The following DACH2 variants were observed in gnomAD, a reference collection of about 807,000 sequenced individuals.
DACH2 encodes dachshund family transcription factor 2.
In DACH2, 17 loss-of-function variants were observed where a neutral mutation model predicts 35.8. The observed-to-expected ratio is 0.48, with a 90% confidence interval of 0.33 to 0.71. The LOEUF (loss-of-function observed/expected upper bound fraction) is 0.71. Ranked by LOEUF, DACH2 falls within the 30% of genes least tolerant of loss-of-function variation. DACH2 has a pLI of 0.02. For synonymous variants in DACH2, 195 were observed against 177.3 expected (o/e 1.10, Z -0.79); for missense variants, 469 against 472.7 (o/e 0.99, Z 0.07).
intron 1 of DACH2, among the ~76,000 whole-genome samples, chrX:86,302,430 A>G (rs906365604): frequency 2.7e-5 from 3 of 111,637 alleles, no homozygotes; most frequent in Non-Finnish European, 5.6e-5. Context: ...CTTTTCAAAC[A>G]TTTCCATGGG....
chrX:86,152,404 T>A (rs1041700524), intron 1 of DACH2, among the ~76,000 whole-genome samples: 9 of 111,239 alleles, frequency 8.1e-5, no homozygotes, highest in African/African-American at 2.9e-4. Context: ...CAGTGCCCAT[T>A]ATGTGCACTG....
intron 2 of DACH2, among the ~76,000 whole-genome samples, chrX:86,450,145 G>T (rs1220876208): frequency 9.0e-6 from 1 of 110,928 alleles, no homozygotes; most frequent in Admixed American, 9.7e-5. Flanking sequence ...GTGCTATGTT[G>T]TTTTGCTGCA....
intron 3 of DACH2, among the ~76,000 whole-genome samples, chrX:86,615,852 A>G (rs762216931): frequency 6.3e-5 from 7 of 110,438 alleles, no homozygotes; most frequent in Non-Finnish European, 9.5e-5. Context: ...GGTTAGTTGT[A>G]CAGATTATTT....
chrX:86,764,982 G>A (rs1185667080), intron 7 of DACH2, among the ~76,000 whole-genome samples: 2 of 97,208 alleles, frequency 2.1e-5, no homozygotes, highest in Admixed American at 1.1e-4. Context: ...CATGATAAGT[G>A]ATGTTGAGCA....
At chrX:86,293,658 T>G (rs2034365006) in intron 1 of DACH2, among the ~76,000 whole-genome samples, 1 of 110,633 alleles carries the variant, frequency 9.0e-6, no homozygotes, top group Non-Finnish European at 1.9e-5. Context: ...GTCTGTAAAG[T>G]ATTTTATTTC....
chrX:86,260,878 A>C (rs2033613621), intron 1 of DACH2, among the ~76,000 whole-genome samples: 2 of 111,632 alleles, frequency 1.8e-5, no homozygotes, highest in Non-Finnish European at 1.9e-5. Context: ...GGATGGAGTT[A>C]ATGTGTTTGC....
intron 3 of DACH2, among the ~76,000 whole-genome samples, chrX:86,546,357 C>CTCCTCTTCTTCTTCTTCTTCTTCTTCT (rs2038959526): frequency 2.4e-4 from 12 of 50,068 alleles, no homozygotes; most frequent in East Asian, 1.5e-3. Context: ...CTTCTTCTTC[C>CTCCTCTTCTTCTTCTTCTTCTTCTTCT]TCTTCTTCTT....
intron 2 of DACH2, among the ~76,000 whole-genome samples, chrX:86,449,859 T>C (rs1381703818): frequency 9.0e-6 from 1 of 111,710 alleles, no homozygotes; most frequent in African/African-American, 3.2e-5. Context: ...ATTATTGTAA[T>C]TATTATTTTT....
intron 3 of DACH2, among the ~76,000 whole-genome samples, chrX:86,520,729 T>G (rs2038540580): frequency 8.9e-6 from 1 of 111,824 alleles, no homozygotes; most frequent in Admixed American, 9.5e-5. Context: ...CTCCTGCTTT[T>G]TTTCTGTTTT....
At chrX:86,688,213 G>A (rs1354230422) in intron 4 of DACH2, among the ~76,000 whole-genome samples, 1 of 111,522 alleles carries the variant, frequency 9.0e-6, no homozygotes, top group African/African-American at 3.3e-5. Context: ...CTTTCTTCCT[G>A]GGTACTGCTC....
chrX:86,728,576 C>G (rs2041496982), intron 6 of DACH2, among the ~76,000 whole-genome samples: 1 of 112,406 alleles, frequency 8.9e-6, no homozygotes, highest in African/African-American at 3.2e-5. Context: ...TCATGCAGCC[C>G]CTCCCATCAC....
intron 3 of DACH2, among the ~76,000 whole-genome samples, chrX:86,562,824 C>T (rs1440714330): frequency 9.0e-6 from 1 of 111,331 alleles, no homozygotes; most frequent in Non-Finnish European, 1.9e-5. Context: ...TATGTTGATA[C>T]CTTAACTGTA....
At chrX:86,466,903 C>T (rs1179005701) in intron 2 of DACH2, among the ~76,000 whole-genome samples, 1 of 111,171 alleles carries the variant, frequency 9.0e-6, no homozygotes, top group Non-Finnish European at 1.9e-5. Context: ...AATCCCCAGG[C>T]TGCACACAGC....
chrX:86,690,579 A>C (rs1212838075), intron 4 of DACH2, among the ~76,000 whole-genome samples: 2 of 111,767 alleles, frequency 1.8e-5, no homozygotes, highest in African/African-American at 6.5e-5. Context: ...ACAAAAACAA[A>C]TAACCTTCTG....
At chrX:86,149,310 C>T (rs1249303450) in intron 1 of DACH2, among the ~76,000 whole-genome samples, 1 of 112,029 alleles carries the variant, frequency 8.9e-6, no homozygotes, top group African/African-American at 3.2e-5. Flanking sequence ...AGTGCAAGGG[C>T]TTCGGTCTAA....
intron 11 of DACH2, among the ~76,000 whole-genome samples, chrX:86,824,887 T>C (rs2042548550): frequency 8.9e-6 from 1 of 112,103 alleles, no homozygotes; most frequent in East Asian, 2.8e-4. Flanking sequence ...TTGGATGTCA[T>C]CATTTTTAAC....
chrX:86,303,281 G>A (rs796470591), intron 1 of DACH2, among the ~76,000 whole-genome samples: 1 of 108,912 alleles, frequency 9.2e-6, no homozygotes, highest in Non-Finnish European at 1.9e-5. Context: ...AACTGGACAC[G>A]TTCATGGGTC....
intron 3 of DACH2, among the ~76,000 whole-genome samples, chrX:86,582,725 C>G (rs181694228): frequency 9.1e-6 from 1 of 110,130 alleles, no homozygotes; most frequent in Non-Finnish European, 1.9e-5. Flanking sequence ...AATAAAAAGC[C>G]TACCAACCGG....
chrX:86,634,407 C>G (rs907029109), intron 3 of DACH2, among the ~76,000 whole-genome samples: 2 of 111,394 alleles, frequency 1.8e-5, no homozygotes, highest in African/African-American at 6.5e-5. Flanking sequence ...AGGATGCCCA[C>G]TTTCACCCCT....
Sources: gnomAD v4.1 joint callset for allele counts (sites outside exome capture counted in the v4.1 genomes callset) on GRCh38, gnomAD v4.1.1 for gene constraint, MANE v1.5 for transcripts, NCBI Gene and HGNC (gene_info 2026-07-23, HGNC 2026-07-21) for gene names.